CKAP2: variants seen among roughly 807,000 people sequenced by gnomAD.
CKAP2 encodes cytoskeleton-associated protein 2.
A neutral mutation model predicts 58.4 loss-of-function variants in CKAP2; 46 were observed. That is an observed-to-expected ratio of 0.79 (90% confidence interval 0.62 to 1.01). The LOEUF is 1.01. Ranked by LOEUF, CKAP2 falls within the 50% of genes least tolerant of loss-of-function variation. The pLI, the probability that CKAP2 is intolerant of heterozygous loss-of-function variation, is 0.00. For missense variants in CKAP2, 809 were observed against 796.4 expected (o/e 1.02, Z -0.19); for synonymous variants, 293 against 280.9 (o/e 1.04, Z -0.43).
intron 2 of CKAP2, 38 bp downstream of exon 2, chr13:52,456,645 T>C (rs752741942): frequency 6.8e-7 from 1 of 1,467,350 alleles, no homozygotes; most frequent in Admixed American, 1.7e-5. Flanking sequence ...TCTGTAAAAT[T>C]GTATCAGATC....
chr13:52,456,224 G>T, intron 1 of CKAP2: 1 of 1,053,602 alleles, frequency 9.5e-7, no homozygotes, highest in Non-Finnish European at 1.2e-6. Context: ...CTACCATTTA[G>T]TTTCTTAAAG....
At chr13:52,468,662 A>G (rs928163799) in intron 7 of CKAP2, among the ~76,000 whole-genome samples, 2 of 152,194 alleles carry the variant, frequency 1.3e-5, no homozygotes, top group Non-Finnish European at 2.9e-5. Flanking sequence ...GTGTTTGCGA[A>G]GGATAATGGC....
Position 52,475,468 on chromosome 13 carries a change from T to G in CKAP2, c.*327T>G, listed in dbSNP as rs1958815891. The stretch of plus-strand genomic sequence containing the variant: ...TTACTAAATATAAGTACAGTAATGA[T>G]GCATAATTAGAAAATGAGGTATTCT... On this transcript the variant is annotated 3_prime_UTR_variant, in exon 9 of 9. Coordinates refer to ENST00000258607, the MANE Select transcript of CKAP2 (RefSeq NM_018204.5). 1 of 193,502 alleles carries G rather than the reference T, an allele frequency of 5.2e-6. No homozygotes were observed. The highest frequency in any genetic ancestry group is 1.0e-5 in the Non-Finnish European group (1 of 95,592). The allele number at this position is 193,502 out of a possible 1,614,324, so 12.0% of individuals were successfully genotyped here.
Position 52,465,548 on chromosome 13 carries a change from T to G in CKAP2, c.1476+83T>G, listed in dbSNP as rs545573962. On this transcript the variant is annotated intron_variant, in intron 6 of 8. Coordinates refer to ENST00000258607, the MANE Select transcript of CKAP2 (RefSeq NM_018204.5). ...ATTTGAAACACATCACAACATAACT[T>G]GAGAAAATTTTCTTTGTATATGTAG... 7.9e-6 allele frequency: 10 copies of G among 1,265,182 alleles called. No individual in the cohort carries two copies. The South Asian group carries it at 1.3e-4, about 16-fold the overall frequency. The allele number at this position is 1,265,182 out of a possible 1,614,324, so 78.4% of individuals were successfully genotyped here.
intron 7 of CKAP2, among the ~76,000 whole-genome samples, chr13:52,472,929 G>C (rs994293207): frequency 1.3e-5 from 2 of 152,200 alleles, no homozygotes; most frequent in Admixed American, 6.5e-5. Flanking sequence ...TTTAGGCCCA[G>C]CTACTTGGGA....
chr13:52,455,799 C>T (rs1471015519), intron 1 of CKAP2, among the ~76,000 whole-genome samples, 173 bp downstream of exon 1: 1 of 152,210 alleles, frequency 6.6e-6, no homozygotes, highest in Non-Finnish European at 1.5e-5. Context: ...TGGAACGGAT[C>T]ATAAAAACAG....
Position 52,465,288 on chromosome 13 carries a change from T to G in CKAP2, c.1306-7T>G. 6.3e-7 allele frequency: 1 copy of G among 1,597,966 alleles called. No homozygotes were observed. Among genetic ancestry groups the G allele is most frequent in the Non-Finnish European group, 8.5e-7 (1 of 1,174,820 alleles). ...AATATTACACACATTTTTTCTTGCT[T>G]TTTTAGGGATGTCCAAAAGAAGATA... On this transcript the variant is annotated splice_region_variant and splice_polypyrimidine_tract_variant and intron_variant, in intron 5 of 8. Coordinates refer to ENST00000258607, the MANE Select transcript of CKAP2 (RefSeq NM_018204.5).
intron 8 of CKAP2, 55 bp from the exon 9 acceptor site, chr13:52,474,838 TAC>T: frequency 6.5e-7 from 1 of 1,529,574 alleles, no homozygotes; most frequent in Non-Finnish European, 8.9e-7. Flanking sequence ...ATCATGAAAG[TAC>T]AGAGTAAAAA....
rs77060117 is a variant in CKAP2, at chr13:52,464,107, C to T, written c.1306-1188C>T. On this transcript the variant is annotated intron_variant, in intron 5 of 8. Transcript: ENST00000258607. The stretch of plus-strand genomic sequence containing the variant: ...AATACACTGAGGTGATATTTACTTA[C>T]TGCTTCTAATATTTTGTTTCTTACA... Among the ~76,000 whole-genome samples the T allele has an allele frequency of 7.4e-3, 1,129 of 152,284 alleles. 6 individuals are homozygous for T. Among genetic ancestry groups the T allele is most frequent in the African/African-American group, 0.017 (705 of 41,554 alleles).
rs1487871970 is a variant in CKAP2, at chr13:52,461,067, G to C, written c.241G>C (p.Glu81Gln). The change falls in exon 4 of 9, where the codon GAA (glutamate) becomes CAA (glutamine). Residue 81 changes from glutamate (E) to glutamine (Q), a missense_variant. By Grantham distance (29) the Glu-to-Gln change is conservative (BLOSUM62 2). Coordinates refer to ENST00000258607, the MANE Select transcript of CKAP2 (RefSeq NM_018204.5). ...LKLKTKMADKENMKRPAESKN... is the reference protein window; with the variant it reads ...LKLKTKMADKQNMKRPAESKN... ...TAAATAATTCTTTCAGGCTGATAAA[G>C]AAAACATGAAGAGACCTGCAGAGAG... is the stretch of plus-strand genomic sequence containing the variant. The C allele has an allele frequency of 6.3e-7, 1 of 1,598,142 alleles. No individual in the cohort carries two copies. The highest frequency in any genetic ancestry group is 1.1e-5 in the South Asian group (1 of 87,914).
At chr13:52,472,702 C>G (rs1958776774) in intron 7 of CKAP2, among the ~76,000 whole-genome samples, 1 of 152,116 alleles carries the variant, frequency 6.6e-6, no homozygotes, top group Non-Finnish European at 1.5e-5. Flanking sequence ...TAAGACGCTC[C>G]TAATACATTT....
chr13:52,473,962 T>C lies in CKAP2; in HGVS notation c.1680T>C (p.Asp560=), dbSNP rs755154829. 6 of 1,614,026 alleles carry C rather than the reference T, an allele frequency of 3.7e-6. No homozygotes were observed. The highest frequency in any genetic ancestry group is 1.1e-5 in the South Asian group (1 of 91,074). The change falls in exon 8 of 9, where the codon GAT becomes GAC. Residue 560 remains aspartate (D), a synonymous_variant. Coordinates refer to ENST00000258607, the MANE Select transcript of CKAP2 (RefSeq NM_018204.5). Reference sequence around the variant, plus strand: ...TTCATAGAAATTTGCTATTTCAAGATTGTGAAAAAGAGCAAGACAACAAAA... The same window carrying C: ...TTCATAGAAATTTGCTATTTCAAGACTGTGAAAAAGAGCAAGACAACAAAA... ...SKLHRNLLFQ[D]CEKEQDNKTK...
intron 5 of CKAP2, 51 bp from the exon 6 acceptor site, chr13:52,465,244 C>T (rs376405161): frequency 1.3e-6 from 2 of 1,491,834 alleles, no homozygotes; most frequent in East Asian, 2.3e-5. Flanking sequence ...AATTATTGTT[C>T]CCACTTTGTA....
At chr13:52,462,853 A>T (rs1958607481) in intron 5 of CKAP2, among the ~76,000 whole-genome samples, 1 of 152,196 alleles carries the variant, frequency 6.6e-6, no homozygotes, top group Admixed American at 6.6e-5. Context: ...ACCAGAAGTA[A>T]TTGAAGATGT....
chr13:52,465,948 TATATATGCACACATATATACACAC>T (rs1566102141), intron 6 of CKAP2: 6 of 157,506 alleles, frequency 3.8e-5, no homozygotes, highest in Admixed American at 1.9e-4. Flanking sequence ...TATATACACA[TATATATGCACACATATATACACAC>T]ATATATGCAC....
intron 2 of CKAP2, among the ~76,000 whole-genome samples, chr13:52,460,060 T>C (rs1172739247): frequency 6.6e-6 from 1 of 152,178 alleles, no homozygotes; most frequent in African/African-American, 2.4e-5. Flanking sequence ...GGTTTTGCCG[T>C]GTTGCCCAGG....
intron 7 of CKAP2, among the ~76,000 whole-genome samples, chr13:52,469,538 G>T (rs1958728876): frequency 6.6e-6 from 1 of 151,814 alleles, no homozygotes; most frequent in Non-Finnish European, 1.5e-5. Flanking sequence ...CCTCTTATCT[G>T]TAAAATACAG....
In CKAP2 at chr13:52,461,661, A is replaced by G. The variant is rs1313037643; in HGVS notation, c.835A>G (p.Thr279Ala). ...CATCAGTAGAACTTCTGCCAATGTTACAATCCGGAAAGGGCCTCATGAAAA... is the reference window on the plus strand; with the variant it reads ...CATCAGTAGAACTTCTGCCAATGTTGCAATCCGGAAAGGGCCTCATGAAAA... The part of the protein sequence containing the change: ...QGISRTSANV[T>A]IRKGPHEKEL... Residue 279 changes from threonine (T) to alanine (A), a missense_variant, in exon 4 of 9, where the codon ACA becomes GCA. Physicochemically the swap from Thr to Ala is moderately conservative, Grantham distance 58 (BLOSUM62 0). Around this residue, in one of 3 missense-constraint regions of CKAP2, gnomAD observed 523 missense variants for 492.4 expected, o/e 1.06. Coordinates refer to ENST00000258607, the MANE Select transcript of CKAP2 (RefSeq NM_018204.5). 1 of 1,614,082 alleles carries G rather than the reference A, an allele frequency of 6.2e-7. No homozygotes were observed. The highest frequency in any genetic ancestry group is 8.5e-7 in the Non-Finnish European group (1 of 1,180,042).
chr13:52,465,920 CAT>C (rs563549356), intron 6 of CKAP2: 2 of 323,116 alleles, frequency 6.2e-6, no homozygotes, highest in East Asian at 7.6e-5. Context: ...TATATACACA[CAT>C]ATATATACAC....
Sources: allele counts gnomAD v4.1 joint callset (sites outside exome capture counted in the v4.1 genomes callset), GRCh38; gene constraint gnomAD v4.1.1; regional missense constraint gnomAD v4.1.1; transcripts MANE v1.5; gene names NCBI Gene and HGNC (gene_info 2026-07-23, HGNC 2026-07-21).